Variants in ZHX2 observed in about 807,000 individuals in gnomAD.
ZHX2 encodes the protein zinc fingers and homeoboxes 2.
ZHX2 carries 6 observed loss-of-function variants against 21.9 expected under a neutral mutation model. That is an observed-to-expected ratio of 0.27 (90% CI 0.15 to 0.54). The LOEUF is 0.54. Among genes scored for constraint, ZHX2 ranks in the 20% least tolerant of loss-of-function variants. The probability of loss-of-function intolerance (pLI) is 0.95; values close to 1 mark genes in which losing one functional copy is unlikely to be tolerated. For missense variants in ZHX2, 908 were observed against 1,090.7 expected, an observed-to-expected ratio of 0.83 and a Z score of 2.36; for synonymous variants, 434 against 437.1, an observed-to-expected ratio of 0.99 and a Z score of 0.09.
At chr8:122,961,920 A>G (rs966915161) in intron 3 of ZHX2, among the ~76,000 whole-genome samples, 1 of 152,120 alleles carries the variant, frequency 6.6e-6, no homozygotes, top group Non-Finnish European at 1.5e-5. Context: ...ATGGAGAAGA[A>G]CTTGGCCCCC....
At chr8:122,864,675 G>T (rs566618396) in intron 2 of ZHX2, among the ~76,000 whole-genome samples, 1 of 152,122 alleles carries the variant, frequency 6.6e-6, no homozygotes, top group East Asian at 1.9e-4. Context: ...GGCAAAAGCG[G>T]GTGTGGTCCA....
In ZHX2 at chr8:122,828,639, C is replaced by T. The variant is rs1041977687; in HGVS notation, c.-282-34838C>T. On this transcript the variant is annotated intron_variant, in intron 1 of 3. Transcript: ENST00000314393. The surrounding 1 kb of genome is among the most constrained non-coding windows in gnomAD (Gnocchi z 5.2). ...CCATGGGCTGTGGGGGATGTGCTGG[C>T]GGCAGCCCTGGTGGCCATGGGCACT... Among the ~76,000 whole-genome samples the T allele has an allele frequency of 1.3e-5, 2 of 152,182 alleles. No individual in the cohort carries two copies. The highest frequency in any genetic ancestry group is 6.5e-5 in the Admixed American group (1 of 15,278).
chr8:122,937,248 G>A (rs1430219100), intron 2 of ZHX2, among the ~76,000 whole-genome samples: 1 of 152,236 alleles, frequency 6.6e-6, no homozygotes, highest in Middle Eastern at 3.2e-3. Context: ...AGGAAGGCCT[G>A]GGGCATAGCA....
intron 3 of ZHX2, among the ~76,000 whole-genome samples, chr8:122,971,288 C>CTT (rs11409501): frequency 2.3e-4 from 31 of 136,834 alleles, no homozygotes; most frequent in African/African-American, 4.8e-4. Context: ...CCTGAGCTTC[C>CTT]TTTTTTTTTT....
intron 2 of ZHX2, among the ~76,000 whole-genome samples, chr8:122,920,676 C>T (rs1188392246): frequency 3.3e-5 from 5 of 152,162 alleles, no homozygotes; most frequent in Non-Finnish European, 4.4e-5. Context: ...TCTTCAGAAG[C>T]ATTGTTTTTT....
At chr8:122,934,819 C>G (rs552024756) in intron 2 of ZHX2, among the ~76,000 whole-genome samples, 188 of 152,078 alleles carry the variant, frequency 1.2e-3, no homozygotes, top group Middle Eastern at 3.4e-3. Context: ...CTCCCAAGTA[C>G]CTGGGATTGC....
At chr8:122,781,510 C>A (rs895475999), upstream of ZHX2, 1 of 152,518 alleles carries the variant, frequency 6.6e-6, no homozygotes, top group Non-Finnish European at 1.5e-5. The surrounding 1 kb of genome is among the most constrained non-coding windows in gnomAD (Gnocchi z 4.6). Context: ...TAGCCTCCCC[C>A]CCAGCTCCTG....
chr8:122,862,903 T>C (rs1214794820), intron 1 of ZHX2, among the ~76,000 whole-genome samples: 1 of 152,170 alleles, frequency 6.6e-6, no homozygotes, highest in Non-Finnish European at 1.5e-5. Flanking sequence ...TGCCGTGCTG[T>C]GAACACATCC....
At chr8:122,959,506 C>T (rs1813389848) in intron 3 of ZHX2, among the ~76,000 whole-genome samples, 1 of 152,176 alleles carries the variant, frequency 6.6e-6, no homozygotes, top group Non-Finnish European at 1.5e-5. Flanking sequence ...GACCATATAT[C>T]ATTAATCTCT....
At chr8:122,800,563 A>G (rs1223695131) in intron 1 of ZHX2, among the ~76,000 whole-genome samples, 4 of 152,186 alleles carry the variant, frequency 2.6e-5, no homozygotes, top group Non-Finnish European at 5.9e-5. Context: ...GTGTTGATGG[A>G]CCCACAGTGA....
At chr8:122,968,841 GA>G (rs11323549) in intron 3 of ZHX2, among the ~76,000 whole-genome samples, 98,271 of 141,764 alleles carry the variant, frequency 0.69, 33,820 homozygotes, top group Middle Eastern at 0.8. Flanking sequence ...CTCCATCTTG[GA>G]AAAAAAAAAA....
chr8:122,812,194 G>C (rs1253879029), intron 1 of ZHX2, among the ~76,000 whole-genome samples: 1 of 152,282 alleles, frequency 6.6e-6, no homozygotes, highest in South Asian at 2.1e-4. Context: ...TGCCTGAGGG[G>C]TGTGAGAAAA....
chr8:122,881,124 A>G (rs1465777914), intron 2 of ZHX2, among the ~76,000 whole-genome samples: 1 of 149,320 alleles, frequency 6.7e-6, no homozygotes, highest in Non-Finnish European at 1.5e-5. Flanking sequence ...TTTGCTGGGA[A>G]TGTGAGCGTG....
At chr8:122,930,883 C>T (rs563574719) in intron 2 of ZHX2, among the ~76,000 whole-genome samples, 18 of 152,180 alleles carry the variant, frequency 1.2e-4, no homozygotes, top group Non-Finnish European at 2.4e-4. Context: ...TGGCACCCAG[C>T]AGTTGTTGGT....
At chr8:122,864,840 C>G (rs191226325) in intron 2 of ZHX2, among the ~76,000 whole-genome samples, 1 of 152,168 alleles carries the variant, frequency 6.6e-6, no homozygotes, top group Admixed American at 6.5e-5. Context: ...ACACCCATTG[C>G]GCTTGGGAGG....
intron 1 of ZHX2, among the ~76,000 whole-genome samples, chr8:122,838,537 C>T (rs142873097): frequency 1.3e-5 from 2 of 149,290 alleles, no homozygotes; most frequent in East Asian, 2.0e-4. Flanking sequence ...AGAAACCTTT[C>T]GATCATATAT....
At chr8:122,832,379 A>AGGCC (rs1485976942) in intron 1 of ZHX2, among the ~76,000 whole-genome samples, 2 of 152,348 alleles carry the variant, frequency 1.3e-5, no homozygotes, top group South Asian at 2.1e-4. Context: ...AGAGGCAGGC[A>AGGCC]GGCCGTCTGA....
intron 1 of ZHX2, among the ~76,000 whole-genome samples, chr8:122,853,839 A>T (rs1268010941): frequency 2.6e-5 from 4 of 151,998 alleles, no homozygotes; most frequent in African/African-American, 9.7e-5. Flanking sequence ...CAGACACCTA[A>T]CACAGCCCAT....
At chr8:122,815,836 C>T (rs942970728) in intron 1 of ZHX2, 2 of 152,160 alleles carry the variant, frequency 1.3e-5, no homozygotes, top group African/African-American at 2.4e-5. Context: ...GCCCTGTAAT[C>T]CCAGCGCTTC....
Sources: gnomAD v4.1 joint callset for allele counts (sites outside exome capture counted in the v4.1 genomes callset) on GRCh38, gnomAD v4.1.1 for gene constraint, Gnocchi (gnomAD v3.1) non-coding constraint, MANE v1.5 for transcripts, NCBI Gene and HGNC (gene_info 2026-07-23, HGNC 2026-07-21) for gene names.